Variants in FTO observed in about 807,000 individuals in gnomAD.
FTO encodes the protein alpha-ketoglutarate-dependent dioxygenase FTO.
Under a neutral mutation model 63.9 loss-of-function variants are expected in FTO, and 47 were observed. The ratio of observed to expected loss-of-function variants is 0.74; its 90% CI spans 0.58 to 0.94. The LOEUF (loss-of-function observed/expected upper bound fraction) is 0.94. Among genes scored for constraint, FTO ranks in the 40% least tolerant of loss-of-function variants. The probability of loss-of-function intolerance (pLI) is 0.00; values close to 1 mark genes in which losing one functional copy is unlikely to be tolerated. For missense variants in FTO, 562 were observed against 618.1 expected (o/e 0.91, Z 0.96); for synonymous variants, 207 against 224.4 (o/e 0.92, Z 0.69).
chr16:53,813,025 G>T (rs2078575410), intron 2 of FTO, among the ~76,000 whole-genome samples: 1 of 152,056 alleles, frequency 6.6e-6, no homozygotes, highest in African/African-American at 2.4e-5. Context: ...TGTGAAAATG[G>T]TACAGGAAGA....
chr16:54,039,719 C>A (rs1470436613), intron 8 of FTO: 1 of 152,198 alleles, frequency 6.6e-6, no homozygotes, highest in African/African-American at 2.4e-5. Flanking sequence ...CTAAAAGGAG[C>A]TACAAAGATG....
intron 8 of FTO, chr16:53,992,477 T>C (rs2083833406): frequency 6.6e-6 from 1 of 152,182 alleles, no homozygotes; most frequent in Admixed American, 6.5e-5. Context: ...CTCTGTCCTA[T>C]TTGGCCAGAT....
At chr16:53,754,411 G>C (rs2076870715) in intron 1 of FTO, among the ~76,000 whole-genome samples, 2 of 152,234 alleles carry the variant, frequency 1.3e-5, no homozygotes, top group South Asian at 4.1e-4. Flanking sequence ...GCTAAGGTGG[G>C]TGGATTACTT....
chr16:53,873,382 C>T (rs1489442657), intron 4 of FTO, among the ~76,000 whole-genome samples: 6 of 151,680 alleles, frequency 4.0e-5, no homozygotes, highest in African/African-American at 1.2e-4. Flanking sequence ...AATAGCATCC[C>T]CTTTCACTCT....
chr16:53,973,238 A>G (rs1283466342), intron 8 of FTO, among the ~76,000 whole-genome samples: 3 of 151,822 alleles, frequency 2.0e-5, no homozygotes, highest in African/African-American at 7.3e-5. Context: ...TGGCAAGTCT[A>G]CTCAGCAGGA....
intron 7 of FTO, among the ~76,000 whole-genome samples, chr16:53,918,193 TA>T (rs2151951355): frequency 6.6e-6 from 1 of 152,320 alleles, no homozygotes; most frequent in African/African-American, 2.4e-5. Flanking sequence ...ATGATGGGGA[TA>T]TTTTCCGGGA....
intron 8 of FTO, among the ~76,000 whole-genome samples, chr16:54,009,434 C>T (rs2084288104): frequency 6.6e-6 from 1 of 152,110 alleles, no homozygotes; most frequent in African/African-American, 2.4e-5. Flanking sequence ...CAACAAAACT[C>T]ATATTGCAAG....
At chr16:53,749,681 C>T (rs997820969) in intron 1 of FTO, among the ~76,000 whole-genome samples, 6 of 152,002 alleles carry the variant, frequency 3.9e-5, no homozygotes, top group Non-Finnish European at 7.4e-5. Flanking sequence ...CCTCGTGATC[C>T]GCCCGCCTCG....
Position 53,995,014 on chromosome 16 carries a change from C to T in FTO, c.1364+60905C>T, listed in dbSNP as rs148955465. 9.6e-3 allele frequency among the ~76,000 whole-genome samples: 1,458 copies of T among 152,258 alleles called. 22 individuals carry two copies. The highest frequency in any genetic ancestry group is 0.031 in the African/African-American group (1,296 of 41,548). ...CTCCTCTTAAGAGGTATTTTTTACT[C>T]TGTATCCAGAGCTTCCTCATATACC... is the stretch of plus-strand genomic sequence containing the variant. On this transcript the variant is annotated intron_variant, in intron 8 of 8. Transcript: ENST00000471389.
At chr16:53,950,755 TC>T (rs2082776169) in intron 8 of FTO, among the ~76,000 whole-genome samples, 1 of 152,212 alleles carries the variant, frequency 6.6e-6, no homozygotes, top group South Asian at 2.1e-4. Context: ...TTACTGTCTT[TC>T]CCATAGTGGG....
chr16:53,961,598 T>C (rs1055037095), intron 8 of FTO, among the ~76,000 whole-genome samples: 1 of 152,208 alleles, frequency 6.6e-6, no homozygotes, highest in African/African-American at 2.4e-5. Context: ...GGAAGACAGA[T>C]GTAGCTAGCC....
intron 8 of FTO, among the ~76,000 whole-genome samples, chr16:53,945,535 A>G (rs543640322): frequency 2.0e-4 from 30 of 152,312 alleles, no homozygotes; most frequent in South Asian, 1.7e-3. Flanking sequence ...CAGTGTGGAG[A>G]TAGGCAGGTA....
At chr16:53,940,070 G>T (rs987231113) in intron 8 of FTO, among the ~76,000 whole-genome samples, 1 of 151,920 alleles carries the variant, frequency 6.6e-6, no homozygotes, top group Admixed American at 6.6e-5. Context: ...GAACTGTCAG[G>T]CTGTTTTTCA....
At chr16:53,819,684 TTC>T (rs1287532764) in intron 2 of FTO, among the ~76,000 whole-genome samples, 1 of 152,236 alleles carries the variant, frequency 6.6e-6, no homozygotes, top group Admixed American at 6.5e-5. Context: ...TCTATCAATC[TTC>T]TTTTTCAAAA....
chr16:54,056,752 G>T lies in FTO; in HGVS notation c.1365-55010G>T, dbSNP rs185275221. ...TGCAGCCCCAGCTGAAACATTGATT[G>T]CATTCTTATGAGAAACCCTAAAACC... On this transcript the variant is annotated intron_variant, in intron 8 of 8. Transcript: ENST00000471389. Among the ~76,000 whole-genome samples, 17 of 152,280 alleles carry T rather than the reference G, an allele frequency of 1.1e-4. No homozygotes were observed. In the East Asian group the frequency reaches 3.1e-3, roughly 28 times the overall value.
chr16:53,889,854 C>A (rs1567403829), intron 7 of FTO, among the ~76,000 whole-genome samples: 1 of 152,086 alleles, frequency 6.6e-6, no homozygotes, highest in African/African-American at 2.4e-5. Flanking sequence ...TAATAACAAA[C>A]ACTTACATAA....
chr16:54,031,996 A>G (rs1172941589), intron 8 of FTO, among the ~76,000 whole-genome samples: 1 of 152,230 alleles, frequency 6.6e-6, no homozygotes, highest in African/African-American at 2.4e-5. Context: ...CAGAAAATTC[A>G]GGAAACTTAG....
chr16:54,021,267 T>G (rs1467040281), intron 8 of FTO, among the ~76,000 whole-genome samples: 3 of 152,050 alleles, frequency 2.0e-5, no homozygotes, highest in Non-Finnish European at 1.5e-5. Context: ...TGGGGAGAAA[T>G]GTAGTTTCTT....
At chr16:53,747,722 GAT>G (rs1260329093) in intron 1 of FTO, among the ~76,000 whole-genome samples, 1 of 152,040 alleles carries the variant, frequency 6.6e-6, no homozygotes, top group African/African-American at 2.4e-5. Context: ...TTAGGGGTCA[GAT>G]ATAAAAATAA....
Sources: gnomAD v4.1 joint callset for allele counts (sites outside exome capture counted in the v4.1 genomes callset) on GRCh38, gnomAD v4.1.1 for gene constraint, MANE v1.5 for transcripts, NCBI Gene and HGNC (gene_info 2026-07-23, HGNC 2026-07-21) for gene names.